DNAH5: variants seen among roughly 807,000 people sequenced by gnomAD.
DNAH5 encodes the protein axonemal beta dynein heavy chain 5.
In DNAH5, 372 loss-of-function variants were observed where a neutral mutation model predicts 518.2. The ratio of observed to expected loss-of-function variants is 0.72; its 90% CI spans 0.66 to 0.78. The LOEUF is 0.78. DNAH5 is among the 30% of genes least tolerant of loss of function. The pLI, the probability that DNAH5 is intolerant of heterozygous loss-of-function variation, is 0.00. For missense variants in DNAH5, 5,523 were observed against 5,687.0 expected, an observed-to-expected ratio of 0.97 and a Z score of 0.93; for synonymous variants, 2,039 against 2,025.9, an observed-to-expected ratio of 1.01 and a Z score of -0.17.
chr5:13,723,281 T>C (rs949037556), intron 70 of DNAH5, among the ~76,000 whole-genome samples: 2 of 152,218 alleles, frequency 1.3e-5, no homozygotes, highest in Admixed American at 1.3e-4. Context: ...CATGTACACA[T>C]TCAGTCACAG....
chr5:13,842,418 A>AAAAGAAAAG (rs1190716247), intron 32 of DNAH5, among the ~76,000 whole-genome samples: 1 of 121,752 alleles, frequency 8.2e-6, no homozygotes, highest in Non-Finnish European at 1.7e-5. Context: ...GAAAGAAAAG[A>AAAAGAAAAG]AAAGAAAAGA....
intron 70 of DNAH5, among the ~76,000 whole-genome samples, chr5:13,726,703 T>C (rs893604271): frequency 4.6e-5 from 7 of 152,242 alleles, no homozygotes; most frequent in African/African-American, 1.7e-4. Context: ...GTTTTCATGA[T>C]TCCACAGTAC....
At chr5:13,819,900 G>T (rs1372992494) in intron 41 of DNAH5, among the ~76,000 whole-genome samples, 1 of 152,156 alleles carries the variant, frequency 6.6e-6, no homozygotes, top group Non-Finnish European at 1.5e-5. Flanking sequence ...TATTTATTGA[G>T]AGACAGTGTG....
chr5:13,954,973 C>A (rs1780661736), intron 1 of DNAH5, among the ~76,000 whole-genome samples: 1 of 152,182 alleles, frequency 6.6e-6, no homozygotes, highest in Admixed American at 6.5e-5. Context: ...CATTTTGAAA[C>A]AACTTAGGAC....
chr5:13,841,701 G>A lies in DNAH5; in HGVS notation c.5475C>T (p.Phe1825=). 1 of 1,611,862 alleles carries A rather than the reference G, an allele frequency of 6.2e-7. No individual in the cohort carries two copies. Among genetic ancestry groups the A allele is most frequent in the Non-Finnish European group, 8.5e-7 (1 of 1,178,010 alleles). Residue 1825 remains phenylalanine (F), a synonymous_variant, in exon 33 of 79, where the codon TTC becomes TTT. Transcript: ENST00000265104. ...ATTTCAATACACTGACCTGAGCAGG[G>A]AAGGATGAAAGAAATTCAGTTAGTT... ...GFQLTEFLSS[F]PAQVGLLGIQ...
chr5:13,719,213 T>C, intron 71 of DNAH5, 112 bp from the exon 72 acceptor site: 1 of 886,274 alleles, frequency 1.1e-6, no homozygotes. Flanking sequence ...ACACTAACCA[T>C]TTTAAATTAA....
chr5:13,845,321 A>C (rs5001470), intron 31 of DNAH5, among the ~76,000 whole-genome samples: 2 of 55,796 alleles, frequency 3.6e-5, no homozygotes, highest in African/African-American at 1.9e-4. Context: ...TGTAGAGAGT[A>C]AGATAAAAAC....
chr5:13,748,091 A>C (rs1749662858), intron 65 of DNAH5, among the ~76,000 whole-genome samples: 1 of 152,168 alleles, frequency 6.6e-6, no homozygotes, highest in Non-Finnish European at 1.5e-5. Flanking sequence ...TCAGCTTTCT[A>C]CAGATGGCTA....
chr5:13,997,319 A>G (rs1208848947), intron 1 of DNAH5, among the ~76,000 whole-genome samples: 1 of 152,264 alleles, frequency 6.6e-6, no homozygotes, highest in African/African-American at 2.4e-5. Flanking sequence ...GGTTTCTTCC[A>G]CTAAATATTC....
At position 13,919,165 on chromosome 5, in the gene DNAH5, T is replaced by C. The variant is rs374516847; in HGVS notation, c.975+11A>G. On this transcript the variant is annotated intron_variant, in intron 7 of 78. Transcript: ENST00000265104. ...TCCCATTTCACAAGGCAAAATGAAA[T>C]GGCTGACGACCTTCAGCAGTTTCGA... is the stretch of plus-strand genomic sequence containing the variant. 16 of 1,613,916 alleles carry C rather than the reference T, an allele frequency of 9.9e-6. No homozygotes were observed. Among genetic ancestry groups the C allele is most frequent in the East Asian group, 6.7e-5 (3 of 44,872 alleles).
In DNAH5 at chr5:13,867,927, A is replaced by C. The variant is rs778357679; in HGVS notation, c.3900T>G (p.Asp1300Glu). 2 of 1,614,126 alleles carry C rather than the reference A, an allele frequency of 1.2e-6. No individual in the cohort carries two copies. Among genetic ancestry groups the C allele is most frequent in the East Asian group, 4.5e-5 (2 of 44,882 alleles). Residue 1300 changes from aspartate (D) to glutamate (E), a missense_variant, in exon 25 of 79, where the codon GAT (aspartate) becomes GAG (glutamate). By Grantham distance (45) the Asp-to-Glu change is conservative (BLOSUM62 2). This residue lies in a region of DNAH5 where 5,121 missense variants were observed against 5,223.3 expected (regional missense o/e 0.98). Transcript: ENST00000265104. The stretch of plus-strand genomic sequence containing the variant: ...GCTTCTCCCAAGCATAGTGCAGTGT[A>C]TCAACTTTGTCTATCTCTTCCCTTG... ...LIAREEIDKV[D>E]TLHYAWEKLL...
At chr5:13,759,045 A>G in intron 60 of DNAH5, 62 bp from the exon 61 acceptor site, 5 of 1,603,308 alleles carry the variant, frequency 3.1e-6, no homozygotes, top group Non-Finnish European at 3.4e-6. Context: ...CCTGCATTTC[A>G]GGGTCTGAGA....
intron 1 of DNAH5, among the ~76,000 whole-genome samples, chr5:13,955,568 T>C (rs989129510): frequency 2.0e-5 from 3 of 152,158 alleles, no homozygotes; most frequent in Admixed American, 6.5e-5. Flanking sequence ...AGAAAATCTA[T>C]TGCTTTTTTA....
chr5:13,840,847 G>T, intron 34 of DNAH5, 59 bp downstream of exon 34: 2 of 1,358,646 alleles, frequency 1.5e-6, no homozygotes, highest in Non-Finnish European at 2.1e-6. Context: ...CTGGGTAAAT[G>T]CAGATAGTGT....
At chr5:13,822,685 G>A (rs16902779) in intron 40 of DNAH5, among the ~76,000 whole-genome samples, 62,798 of 152,052 alleles carry the variant, frequency 0.41, 13,291 homozygotes, top group East Asian at 0.61. Context: ...TAAGGTTTAC[G>A]TAATTAATTT....
intron 1 of DNAH5, among the ~76,000 whole-genome samples, chr5:13,982,249 T>C (rs1782727181): frequency 6.6e-6 from 1 of 152,280 alleles, no homozygotes; most frequent in African/African-American, 2.4e-5. Flanking sequence ...AAATTATTTG[T>C]TACACCCTCA....
intron 3 of DNAH5, among the ~76,000 whole-genome samples, chr5:13,927,706 A>G (rs2152003646): frequency 6.6e-6 from 1 of 152,350 alleles, no homozygotes; most frequent in African/African-American, 2.4e-5. Flanking sequence ...TAATGCCTAT[A>G]TACATGTGAA....
intron 1 of DNAH5, among the ~76,000 whole-genome samples, chr5:13,955,675 C>T (rs771346758): frequency 4.0e-5 from 6 of 151,788 alleles, no homozygotes; most frequent in Non-Finnish European, 7.4e-5. Context: ...AATTTTTCTC[C>T]AAACTGTTAT....
chr5:13,834,743 C>T (rs546408181), intron 35 of DNAH5, among the ~76,000 whole-genome samples: 11 of 152,282 alleles, frequency 7.2e-5, no homozygotes, highest in South Asian at 4.1e-4. Flanking sequence ...GGCAGGGCTG[C>T]GCCACAGCTG....
Sources: gnomAD v4.1 joint callset for allele counts (sites outside exome capture counted in the v4.1 genomes callset) on GRCh38, gnomAD v4.1.1 for gene constraint, gnomAD v4.1.1 regional missense constraint, MANE v1.5 for transcripts, NCBI Gene and HGNC (gene_info 2026-07-23, HGNC 2026-07-21) for gene names.